MORC2: variants seen among roughly 807,000 people sequenced by gnomAD.
MORC2 encodes ATPase MORC2.
Under a neutral mutation model 136.0 loss-of-function variants are expected in MORC2, and 30 were observed. The ratio of observed to expected loss-of-function variants is 0.22; its 90% confidence interval spans 0.17 to 0.30. The LOEUF is 0.30. Ranked by LOEUF, MORC2 falls within the 10% of genes least tolerant of loss-of-function variation. MORC2 has a pLI of 1.00. For missense variants in MORC2, 922 were observed against 1,333.1 expected (o/e 0.69, Z 4.80); for synonymous variants, 439 against 487.0 (o/e 0.90, Z 1.30).
chr22:30,955,840 C>T (rs990758428), intron 3 of MORC2, among the ~76,000 whole-genome samples: 11 of 151,896 alleles, frequency 7.2e-5, no homozygotes, highest in African/African-American at 2.2e-4. Flanking sequence ...GAAACCCCGT[C>T]GCTACTAAAA....
intron 1 of MORC2, among the ~76,000 whole-genome samples, chr22:30,966,167 G>C (rs577132646): frequency 1.3e-5 from 2 of 152,174 alleles, no homozygotes; most frequent in African/African-American, 4.8e-5. Flanking sequence ...TAAAGTCTTT[G>C]GTGAAGCTGG....
intron 2 of MORC2, among the ~76,000 whole-genome samples, chr22:30,958,393 T>C (rs2040996434): frequency 6.6e-6 from 1 of 152,236 alleles, no homozygotes. Flanking sequence ...GGAAGTGGTT[T>C]TGGAGGTGAT....
rs147746691 is a variant in MORC2, at chr22:30,958,974, A to G, written c.69-280T>C. The G allele has an allele frequency of 4.8e-5, 14 of 289,022 alleles. No homozygotes were observed. In the East Asian group the frequency reaches 9.6e-4, roughly 20 times the overall value. The allele number at this position is 289,022 out of a possible 1,614,324, so 17.9% of individuals were successfully genotyped here. On this transcript the variant is annotated intron_variant, in intron 1 of 25. Coordinates refer to ENST00000397641, the MANE Select transcript of MORC2 (RefSeq NM_001303256.3). ...AAGAGTCCTATGTGTAGTAACTGCTAAAAGTGTTTTTCACTATTCATATCC... is the reference window on the plus strand; with the variant it reads ...AAGAGTCCTATGTGTAGTAACTGCTGAAAGTGTTTTTCACTATTCATATCC...
At chr22:30,942,362 G>C in intron 6 of MORC2, 91 bp from the exon 7 acceptor site, 1 of 1,402,368 alleles carries the variant, frequency 7.1e-7, no homozygotes, top group African/African-American at 1.4e-5. Flanking sequence ...CCCCACAGCA[G>C]CTCCACACTG....
chr22:30,947,794 C>T (rs368423101), intron 5 of MORC2, among the ~76,000 whole-genome samples: 35 of 152,166 alleles, frequency 2.3e-4, no homozygotes, highest in African/African-American at 8.2e-4. Context: ...TTGGCAAAAA[C>T]TCTCACTTTG....
intron 1 of MORC2, chr22:30,967,097 A>G: frequency 3.0e-6 from 3 of 985,124 alleles, no homozygotes; most frequent in Non-Finnish European, 3.6e-6. Context: ...TGAATGTATT[A>G]AAACACTAAA....
At chr22:30,933,409 A>G in intron 21 of MORC2, 57 bp downstream of exon 21, 1 of 1,584,180 alleles carries the variant, frequency 6.3e-7, no homozygotes, top group Non-Finnish European at 8.6e-7. Context: ...AAGGGGCTCC[A>G]CTTCCACTCC....
chr22:30,931,018 A>G (rs1009311804), intron 24 of MORC2, among the ~76,000 whole-genome samples: 4 of 152,088 alleles, frequency 2.6e-5, no homozygotes, highest in Non-Finnish European at 4.4e-5. Flanking sequence ...ACTTGCCTAC[A>G]ATCCATGATC....
chr22:30,959,213 C>A (rs1233568595), intron 1 of MORC2, among the ~76,000 whole-genome samples: 2 of 152,244 alleles, frequency 1.3e-5, no homozygotes, highest in Admixed American at 1.3e-4. Flanking sequence ...TTACTCAATC[C>A]AAACTTTGAG....
At chr22:30,948,925 T>A (rs1216921001) in intron 5 of MORC2, among the ~76,000 whole-genome samples, 2 of 152,146 alleles carry the variant, frequency 1.3e-5, no homozygotes, top group African/African-American at 4.8e-5. Context: ...GGAAGTACTC[T>A]CTTTCTTCTC....
At position 30,936,823 on chromosome 22, in the gene MORC2, T is replaced by C. The variant is rs532509298; in HGVS notation, c.1604+109A>G. ...TCTATTTTTATTTCTTGGGCAGTTA[T>C]TAGGTGTGGCAAGACAGAGATGTAA... is the stretch of plus-strand genomic sequence containing the variant. On this transcript the variant is annotated intron_variant, in intron 16 of 25. Coordinates refer to ENST00000397641, the MANE Select transcript of MORC2 (RefSeq NM_001303256.3). The C allele has an allele frequency of 4.4e-5, 58 of 1,309,272 alleles. No individual in the cohort carries two copies. In the Middle Eastern group the frequency reaches 2.3e-3, roughly 51 times the overall value. 81.1% of individuals were successfully genotyped at this position (1,309,272 alleles called of 1,614,324 possible).
chr22:30,931,130 C>T (rs2040570219), intron 24 of MORC2, among the ~76,000 whole-genome samples: 1 of 152,180 alleles, frequency 6.6e-6, no homozygotes, highest in Non-Finnish European at 1.5e-5. Context: ...TTACATAGGA[C>T]CTGCCTCCTC....
At chr22:30,930,324 C>T (rs2040555572) in intron 24 of MORC2, among the ~76,000 whole-genome samples, 1 of 152,238 alleles carries the variant, frequency 6.6e-6, no homozygotes. Flanking sequence ...CTATTAGCTG[C>T]TTGTTCCTCC....
At position 30,925,363 on chromosome 22, in the gene MORC2, A is replaced by C. The variant is rs922977599; in HGVS notation, c.*1440T>G. 1 of 239,422 alleles carries C rather than the reference A, an allele frequency of 4.2e-6. No homozygotes were observed. Among genetic ancestry groups the C allele is most frequent in the African/African-American group, 2.3e-5 (1 of 42,860 alleles). The allele number at this position is 239,422 out of a possible 1,614,324, so 14.8% of individuals were successfully genotyped here. A position where few individuals can be genotyped will look rare whatever the true frequency, so the allele number is the denominator to read the frequency against. On this transcript the variant is annotated 3_prime_UTR_variant, in exon 26 of 26. Coordinates refer to ENST00000397641, the MANE Select transcript of MORC2 (RefSeq NM_001303256.3). ...AAGACTTGGACAGTCTTCCAGCAGA[A>C]GAGGCCAGGGTCTCTCAGTGTACTA...
chr22:30,939,360 G>A (rs555495456), intron 12 of MORC2, among the ~76,000 whole-genome samples: 1 of 151,816 alleles, frequency 6.6e-6, no homozygotes, highest in East Asian at 1.9e-4. Context: ...TAAATGAAAA[G>A]AAAGAAAGAA....
chr22:30,932,583 G>A lies in MORC2; in HGVS notation c.2709C>T (p.Thr903=), dbSNP rs141374674. The part of the protein sequence containing the change: ...RIEPDTTALS[T]NHETIDLLVQ... ...CAAGCAGGTCGATGGTCTCGTGATT[G>A]GTGCTCAGGGCAGTGGTGTCAGGCT... Residue 903 remains threonine, a synonymous_variant, in exon 23 of 26, where the codon ACC becomes ACT. Coordinates refer to ENST00000397641, the MANE Select transcript of MORC2 (RefSeq NM_001303256.3). This position sits in a 1 kb window ranked among gnomAD's most constrained non-coding sequence, Gnocchi z 4.4. 2.1e-5 allele frequency: 34 copies of A among 1,614,162 alleles called. No homozygotes were observed. In the East Asian group the frequency reaches 6.7e-4, roughly 32 times the overall value.
intron 24 of MORC2, among the ~76,000 whole-genome samples, chr22:30,930,932 C>G (rs990128277): frequency 1.3e-5 from 2 of 152,196 alleles, no homozygotes; most frequent in African/African-American, 4.8e-5. Flanking sequence ...CACTCGTCAC[C>G]TTCATTGCAC....
chr22:30,964,749 A>G (rs1422494517), intron 1 of MORC2, among the ~76,000 whole-genome samples: 1 of 152,238 alleles, frequency 6.6e-6, no homozygotes, highest in Non-Finnish European at 1.5e-5. Context: ...AGTAACCAAC[A>G]GAATAACCAT....
intron 24 of MORC2, among the ~76,000 whole-genome samples, chr22:30,928,706 A>C (rs1266973933): frequency 6.6e-6 from 1 of 152,176 alleles, no homozygotes; most frequent in South Asian, 2.1e-4. Context: ...AGAGCTTTTT[A>C]CTATTTTCCC....
Sources: gnomAD v4.1 joint callset for allele counts (sites outside exome capture counted in the v4.1 genomes callset) on GRCh38, gnomAD v4.1.1 for gene constraint, Gnocchi (gnomAD v3.1) non-coding constraint, MANE v1.5 for transcripts, NCBI Gene and HGNC (gene_info 2026-07-23, HGNC 2026-07-21) for gene names.